The following BRAF variants were observed in gnomAD, a reference collection of about 807,000 sequenced individuals.
BRAF encodes the protein serine/threonine-protein kinase B-raf.
Under a neutral mutation model 104.6 loss-of-function variants are expected in BRAF, and 16 were observed. The ratio of observed to expected loss-of-function variants is 0.15; its 90% CI spans 0.10 to 0.23. BRAF has a LOEUF of 0.23. Among genes scored for constraint, BRAF ranks in the 10% least tolerant of loss-of-function variants. The pLI is 1.00. For missense variants in BRAF, 541 were observed against 937.3 expected (o/e 0.58, Z 5.52); for synonymous variants, 310 against 341.6 (o/e 0.91, Z 1.02).
chr7:140,765,846 T>C (rs2129010533), intron 14 of BRAF, among the ~76,000 whole-genome samples: 1 of 150,942 alleles, frequency 6.6e-6, no homozygotes, highest in African/African-American at 2.5e-5. Context: ...TTTTACACTG[T>C]TGGTGGGACT....
chr7:140,919,831 T>G (rs934164177), intron 1 of BRAF, among the ~76,000 whole-genome samples: 34 of 60,582 alleles, frequency 5.6e-4, no homozygotes, highest in African/African-American at 1.1e-3. Context: ...AGTTTTTTTG[T>G]TTTTTTTTTG....
intron 3 of BRAF, among the ~76,000 whole-genome samples, chr7:140,810,759 T>C (rs989118587): frequency 6.6e-6 from 1 of 152,216 alleles, no homozygotes; most frequent in Non-Finnish European, 1.5e-5. Context: ...TCAATACTCT[T>C]AGTGCTTTCA....
chr7:140,924,417 G>T lies in BRAF; in HGVS notation c.138+149C>A, dbSNP rs768434366. 2 of 1,190,038 alleles carry T rather than the reference G, an allele frequency of 1.7e-6. No homozygotes were observed. The highest frequency in any genetic ancestry group is 1.6e-5 in the African/African-American group (1 of 64,256). The allele number at this position is 1,190,038 out of a possible 1,614,324, so 73.7% of individuals were successfully genotyped here. A position where few individuals can be genotyped will look rare whatever the true frequency, so the allele number is the denominator to read the frequency against. On this transcript the variant is annotated intron_variant, in intron 1 of 19. Coordinates refer to ENST00000644969, the MANE Select transcript of BRAF (RefSeq NM_001374258.1). This position sits in a 1 kb window ranked among gnomAD's most constrained non-coding sequence, Gnocchi z 4.2. ...GGCGCTGCATGACGGAGAGGGACAC[G>T]GGGGCGATGCCCACCTCCCAGCCCG...
intron 14 of BRAF, among the ~76,000 whole-genome samples, chr7:140,764,634 A>G (rs1426767341): frequency 1.3e-5 from 2 of 152,222 alleles, no homozygotes; most frequent in African/African-American, 2.4e-5. Context: ...AAAAACCACA[A>G]GCATTCTTAT....
In BRAF at chr7:140,850,181, G is replaced by A. The variant is rs1809008936; in HGVS notation, c.170C>T (p.Thr57Ile). Residue 57 changes from threonine to isoleucine, a missense_variant, in exon 2 of 20, where the codon ACA (threonine) becomes ATA (isoleucine). By Grantham distance (89) the Thr-to-Ile change is moderately conservative. Transcript: ENST00000644969. ...VWNIKQMIKL[T>I]QEHIEALLDK... ...CAATAGGGCCTCTATATGTTCCTGTGTCAACTTAATCATTTGTTTGATATT... is the reference window on the plus strand; with the variant it reads ...CAATAGGGCCTCTATATGTTCCTGTATCAACTTAATCATTTGTTTGATATT... 2.5e-6 allele frequency: 4 copies of A among 1,611,042 alleles called. No homozygotes were observed. Among genetic ancestry groups the A allele is most frequent in the Non-Finnish European group, 3.4e-6 (4 of 1,178,574 alleles).
intron 3 of BRAF, among the ~76,000 whole-genome samples, chr7:140,829,187 G>T (rs1247263670): frequency 9.0e-6 from 1 of 110,718 alleles, no homozygotes; most frequent in African/African-American, 2.8e-5. Flanking sequence ...CTCTGTTAAG[G>T]TTTTTTTTTT....
intron 2 of BRAF, 43 bp from the exon 3 acceptor site, chr7:140,834,915 T>C (rs1255097443): frequency 3.1e-6 from 5 of 1,606,634 alleles, no homozygotes; most frequent in Admixed American, 1.7e-5. Flanking sequence ...GACTTTGTCC[T>C]GACATTAACA....
At chr7:140,820,757 T>TAGCA (rs960701658) in intron 3 of BRAF, among the ~76,000 whole-genome samples, 1 of 151,936 alleles carries the variant, frequency 6.6e-6, no homozygotes, top group African/African-American at 2.4e-5. Context: ...CTGGGCAACA[T>TAGCA]AGCAAGGCCC....
chr7:140,908,696 T>C (rs1232889580), intron 1 of BRAF, among the ~76,000 whole-genome samples: 1 of 152,134 alleles, frequency 6.6e-6, no homozygotes. Flanking sequence ...GATATGGGAG[T>C]GTGTAGACAG....
chr7:140,924,597 G>C lies in BRAF; in HGVS notation c.107C>G (p.Ser36Cys), dbSNP rs886041827. ...CGGAATGGCAGGGTCCGCAGCCGAA[G>C]AGGCCGCGGCGCCGGCGCCGGCGCC... Reference protein sequence around the residue: ...EAGAGAGAAASSAADPAIPEE... With the variant: ...EAGAGAGAAACSAADPAIPEE... The change falls in exon 1 of 20, where the codon TCT (serine) becomes TGT (cysteine). Residue 36 changes from serine to cysteine, a missense_variant. Transcript: ENST00000644969. The surrounding 1 kb of genome is among the most constrained non-coding windows in gnomAD (Gnocchi z 4.2). 3 of 1,529,854 alleles carry C rather than the reference G, an allele frequency of 2.0e-6. No homozygotes were observed. The highest frequency in any genetic ancestry group is 2.6e-6 in the Non-Finnish European group (3 of 1,144,634). The allele number at this position is 1,529,854 out of a possible 1,614,324, so 94.8% of individuals were successfully genotyped here.
intron 19 of BRAF, chr7:140,733,898 T>C (rs1796175804): frequency 1.4e-6 from 1 of 731,162 alleles, no homozygotes; most frequent in Non-Finnish European, 1.7e-6. Flanking sequence ...AAAAAGCTAT[T>C]TAAAAGAAAC....
At position 140,834,685 on chromosome 7, in the gene BRAF, T is replaced by C. The variant is rs763920732; in HGVS notation, c.428A>G (p.Asp143Gly). ...SSLSVFQNPT[D>G]VARSNPKSPQ... ...TGACTTGGGGTTGCTCCGTGCCACATCTGTGGGATTTTGAAAAACTGAAAG... is the reference window on the plus strand; with the variant it reads ...TGACTTGGGGTTGCTCCGTGCCACACCTGTGGGATTTTGAAAAACTGAAAG... The change falls in exon 3 of 20, where the codon GAT becomes GGT. Residue 143 changes from aspartate to glycine, a missense_variant. Physicochemically the swap from Asp to Gly is moderately conservative, Grantham distance 94. Coordinates refer to ENST00000644969, the MANE Select transcript of BRAF (RefSeq NM_001374258.1). 6.2e-7 allele frequency: 1 copy of C among 1,614,142 alleles called. No individual in the cohort carries two copies. Among genetic ancestry groups the C allele is most frequent in the South Asian group, 1.1e-5 (1 of 91,080 alleles).
intron 2 of BRAF, among the ~76,000 whole-genome samples, chr7:140,838,460 C>T (rs1283408405): frequency 6.6e-6 from 1 of 152,010 alleles, no homozygotes; most frequent in Admixed American, 6.6e-5. Flanking sequence ...TCCAGCCTGG[C>T]AACGAGAGCA....
chr7:140,907,638 C>G (rs1224043562), intron 1 of BRAF, among the ~76,000 whole-genome samples: 2 of 151,994 alleles, frequency 1.3e-5, no homozygotes, highest in Admixed American at 6.6e-5. Flanking sequence ...TCATACATCA[C>G]TGCAGCCTCA....
At chr7:140,862,369 A>G (rs1477161764) in intron 1 of BRAF, among the ~76,000 whole-genome samples, 1 of 152,156 alleles carries the variant, frequency 6.6e-6, no homozygotes, top group Admixed American at 6.5e-5. Context: ...TGATACAAGT[A>G]AAAAGTTGAA....
rs1185996698 is a variant in BRAF, at chr7:140,781,627, G to T, written c.1501C>A (p.Gln501Lys). The T allele has an allele frequency of 1.2e-6, 2 of 1,613,792 alleles. No individual in the cohort carries two copies. Among genetic ancestry groups the T allele is most frequent in the African/African-American group, 2.7e-5 (2 of 74,852 alleles). The change falls in exon 12 of 20, where the codon CAA becomes AAA. Residue 501 changes from glutamine (Q) to lysine (K), a missense_variant. Transcript: ENST00000644969. ...CCAAATGATCCAGATCCAATTCTTTGTCCCACTGTAATCTGCCCATCAGGA... is the reference window on the plus strand; with the variant it reads ...CCAAATGATCCAGATCCAATTCTTTTTCCCACTGTAATCTGCCCATCAGGA... ...EIPDGQITVG[Q>K]RIGSGSFGTV...
intron 2 of BRAF, among the ~76,000 whole-genome samples, chr7:140,840,305 C>A (rs1256174240): frequency 6.6e-6 from 1 of 151,502 alleles, no homozygotes; most frequent in East Asian, 1.9e-4. Flanking sequence ...GTATGATACA[C>A]CAAAAGCACA....
intron 1 of BRAF, among the ~76,000 whole-genome samples, chr7:140,861,133 C>T (rs767795347): frequency 6.6e-5 from 10 of 152,118 alleles, no homozygotes; most frequent in Non-Finnish European, 1.3e-4. Context: ...AAGAAACAGG[C>T]TTTATTCCAG....
chr7:140,770,513 A>G (rs1799731848), intron 14 of BRAF, among the ~76,000 whole-genome samples: 1 of 142,608 alleles, frequency 7.0e-6, no homozygotes, highest in African/African-American at 2.7e-5. Flanking sequence ...TTATACTGAA[A>G]TTATAAGGCC....
Sources: allele counts gnomAD v4.1 joint callset (sites outside exome capture counted in the v4.1 genomes callset), GRCh38; gene constraint gnomAD v4.1.1; non-coding constraint Gnocchi (gnomAD v3.1); transcripts MANE v1.5; gene names NCBI Gene and HGNC (gene_info 2026-07-23, HGNC 2026-07-21).